The following PLEKHH2 variants were observed in gnomAD, a reference collection of about 807,000 sequenced individuals.
PLEKHH2 encodes the protein pleckstrin homology domain-containing family H member 2.
A neutral mutation model predicts 187.9 loss-of-function variants in PLEKHH2; 129 were observed. The ratio of observed to expected loss-of-function variants is 0.69; its 90% CI spans 0.59 to 0.79. The LOEUF (loss-of-function observed/expected upper bound fraction) is 0.79. Ranked by LOEUF, PLEKHH2 falls within the 30% of genes least tolerant of loss-of-function variation. The pLI is 0.00. For synonymous variants in PLEKHH2, 686 were observed against 605.6 expected (o/e 1.13, Z -1.95); for missense variants, 2,076 against 1,751.2 (o/e 1.19, Z -3.31).
chr2:43,764,218 A>C lies in PLEKHH2; in HGVS notation c.4159-10A>C, dbSNP rs7565517. The stretch of plus-strand genomic sequence containing the variant: ...GCATATAACATATATACTTTTTCTT[A>C]TCTTTAAAGAGGTTAATAGTCAGCT... On this transcript the variant is annotated splice_polypyrimidine_tract_variant and intron_variant, in intron 28 of 29. Coordinates refer to ENST00000282406, the MANE Select transcript of PLEKHH2 (RefSeq NM_172069.4). 1,053,343 of 1,382,638 alleles carry C rather than the reference A, an allele frequency of 0.76. 405,349 individuals are homozygous for C. The highest frequency in any genetic ancestry group is 0.93 in the African/African-American group (62,097 of 66,770). 85.6% of individuals were successfully genotyped at this position (1,382,638 alleles called of 1,614,324 possible).
rs1669266511 is a variant in PLEKHH2 at position 43,699,851 on chromosome 2, C to T, written c.893C>T (p.Ser298Phe). Residue 298 changes from serine (S) to phenylalanine (F), a missense_variant, in exon 8 of 30, where the codon TCC (serine) becomes TTC (phenylalanine). Physicochemically the swap from Ser to Phe is radical, Grantham distance 155. Coordinates refer to ENST00000282406, the MANE Select transcript of PLEKHH2 (RefSeq NM_172069.4). The stretch of plus-strand genomic sequence containing the variant: ...GAGGAAGACGGGAGCAAAGGAAGAT[C>T]CAAGTCCAGATGCACATCCACCCTC... ...SDEEDGSKGR[S>F]KSRCTSTLSS... 1.2e-6 allele frequency: 2 copies of T among 1,614,072 alleles called. No individual in the cohort carries two copies. Among genetic ancestry groups the T allele is most frequent in the African/African-American group, 2.7e-5 (2 of 75,000 alleles).
At chr2:43,743,013 C>A in intron 22 of PLEKHH2, 95 bp downstream of exon 22, 1 of 961,454 alleles carries the variant, frequency 1.0e-6, no homozygotes, top group Non-Finnish European at 1.4e-6. Context: ...TTGTCAGCAC[C>A]TGGCAGTGAC....
Position 43,742,778 on chromosome 2 carries a change from T to C in PLEKHH2, c.3259T>C (p.Cys1087Arg), listed in dbSNP as rs368027213. Reference protein sequence around the residue: ...FGKYAIYCQRCVERTQQNGDR... With the variant: ...FGKYAIYCQRRVERTQQNGDR... ...AAAATATGCCATTTACTGCCAGCGT[T>C]GTGTAGAAAGAACGCAACAAAATGG... The change falls in exon 22 of 30, where the codon TGT (cysteine) becomes CGT (arginine). Residue 1087 changes from cysteine to arginine, a missense_variant. By Grantham distance (180) the Cys-to-Arg change is radical. Coordinates refer to ENST00000282406, the MANE Select transcript of PLEKHH2 (RefSeq NM_172069.4). 2 of 1,601,204 alleles carry C rather than the reference T, an allele frequency of 1.2e-6. No individual in the cohort carries two copies. The highest frequency in any genetic ancestry group is 1.7e-6 in the Non-Finnish European group (2 of 1,175,654).
intron 27 of PLEKHH2, among the ~76,000 whole-genome samples, chr2:43,761,286 A>G (rs979316443): frequency 1.3e-5 from 2 of 152,204 alleles, no homozygotes; most frequent in African/African-American, 4.8e-5. Flanking sequence ...ATGGAACCAA[A>G]CAAGCATCAT....
chr2:43,734,885 G>A (rs1375417910), intron 19 of PLEKHH2, among the ~76,000 whole-genome samples: 7 of 152,172 alleles, frequency 4.6e-5, no homozygotes, highest in Non-Finnish European at 7.4e-5. Context: ...ATGATGGGCC[G>A]GGCCAGTGGC....
chr2:43,719,533 G>A (rs577274803), intron 15 of PLEKHH2, among the ~76,000 whole-genome samples: 8 of 152,062 alleles, frequency 5.3e-5, no homozygotes, highest in African/African-American at 1.7e-4. Flanking sequence ...TCCGTGTCCC[G>A]GTTTCAAGCA....
At chr2:43,730,060 C>G (rs1477752087) in intron 18 of PLEKHH2, among the ~76,000 whole-genome samples, 4 of 152,154 alleles carry the variant, frequency 2.6e-5, no homozygotes, top group Non-Finnish European at 5.9e-5. Flanking sequence ...GATCCCCCAG[C>G]CAGCCCTCTG....
intron 8 of PLEKHH2, among the ~76,000 whole-genome samples, chr2:43,702,975 C>T (rs577070564): frequency 9.7e-4 from 147 of 152,266 alleles, no homozygotes; most frequent in African/African-American, 3.5e-3. Flanking sequence ...GACTGCCTCC[C>T]GTCTCCTGCT....
intron 2 of PLEKHH2, among the ~76,000 whole-genome samples, chr2:43,676,804 T>TTC (rs2104417964): frequency 6.6e-6 from 1 of 152,278 alleles, no homozygotes; most frequent in South Asian, 2.1e-4. Context: ...AAAGAATCTC[T>TTC]TCTATACTCT....
At position 43,707,557 on chromosome 2, in the gene PLEKHH2, T is replaced by C; in HGVS notation, c.1966+12T>C. ...AGCCATGAAACGAGGTGAGGGAAAA[T>C]CGCAGGCATATGAGGCAACTCCAGA... On this transcript the variant is annotated intron_variant, in intron 11 of 29. Coordinates refer to ENST00000282406, the MANE Select transcript of PLEKHH2 (RefSeq NM_172069.4). 6.2e-7 allele frequency: 1 copy of C among 1,613,564 alleles called. No individual in the cohort carries two copies. The highest frequency in any genetic ancestry group is 8.5e-7 in the Non-Finnish European group (1 of 1,179,704).
chr2:43,644,888 A>G (rs1421661055), intron 2 of PLEKHH2, 92 bp downstream of exon 2: 21 of 1,340,164 alleles, frequency 1.6e-5, no homozygotes, highest in Non-Finnish European at 2.1e-5. Context: ...TGGGGGTTTG[A>G]TTTAATTTTT....
chr2:43,648,840 A>G (rs964355373), intron 2 of PLEKHH2, among the ~76,000 whole-genome samples: 1 of 152,010 alleles, frequency 6.6e-6, no homozygotes, highest in Non-Finnish European at 1.5e-5. Context: ...TCAGCCTCCC[A>G]AAGTGCTGGG....
At chr2:43,682,547 T>C (rs1200560524) in intron 3 of PLEKHH2, among the ~76,000 whole-genome samples, 3 of 152,028 alleles carry the variant, frequency 2.0e-5, no homozygotes, top group African/African-American at 4.8e-5. Flanking sequence ...CCTTGTGATT[T>C]GCCCCCCTTG....
At chr2:43,709,405 T>C (rs2104513252) in intron 11 of PLEKHH2, among the ~76,000 whole-genome samples, 1 of 152,338 alleles carries the variant, frequency 6.6e-6, no homozygotes, top group East Asian at 1.9e-4. Context: ...TGTCAATGTG[T>C]AAATACACAT....
At chr2:43,685,806 G>A (rs1277098184) in intron 3 of PLEKHH2, among the ~76,000 whole-genome samples, 2 of 152,070 alleles carry the variant, frequency 1.3e-5, no homozygotes, top group Non-Finnish European at 2.9e-5. Flanking sequence ...AATCAACCCA[G>A]TTCTACTTAT....
chr2:43,697,152 T>C lies in PLEKHH2; in HGVS notation c.503-19T>C. ...TCTATAAAAAATTCAAATCTTAATT[T>C]TGATTAACGATGTTGTAGAAGTTCA... On this transcript the variant is annotated intron_variant, in intron 6 of 29. Coordinates refer to ENST00000282406, the MANE Select transcript of PLEKHH2 (RefSeq NM_172069.4). The C allele has an allele frequency of 6.5e-7, 1 of 1,532,606 alleles. No individual in the cohort carries two copies. Among genetic ancestry groups the C allele is most frequent in the African/African-American group, 1.4e-5 (1 of 71,650 alleles). The allele number at this position is 1,532,606 out of a possible 1,614,324, so 94.9% of individuals were successfully genotyped here.
At chr2:43,681,257 C>T (rs570729189) in intron 3 of PLEKHH2, 754 of 665,216 alleles carry the variant, frequency 1.1e-3, no homozygotes, top group Non-Finnish European at 1.8e-3. Flanking sequence ...TACAATCCTC[C>T]TGTGGAGGTC....
chr2:43,723,721 A>C lies in PLEKHH2; in HGVS notation c.2542-2551A>C, dbSNP rs141468597. Among the ~76,000 whole-genome samples, 407 of 152,326 alleles carry C rather than the reference A, an allele frequency of 2.7e-3. 1 individual carries two copies. The highest frequency in any genetic ancestry group is 9.5e-3 in the African/African-American group (394 of 41,574). ...AAAATAACCCTTATGCCAAAGTGAT[A>C]TCTGTTGGGGTGGCAGATTCTGCCA... On this transcript the variant is annotated intron_variant, in intron 16 of 29. Coordinates refer to ENST00000282406, the MANE Select transcript of PLEKHH2 (RefSeq NM_172069.4).
intron 2 of PLEKHH2, among the ~76,000 whole-genome samples, chr2:43,653,163 T>C (rs1327000781): frequency 6.6e-6 from 1 of 152,100 alleles, no homozygotes; most frequent in Non-Finnish European, 1.5e-5. Flanking sequence ...AATTGAAGCA[T>C]ACAAGATTCC....
Sources: gnomAD v4.1 joint callset for allele counts (sites outside exome capture counted in the v4.1 genomes callset) on GRCh38, gnomAD v4.1.1 for gene constraint, MANE v1.5 for transcripts, NCBI Gene and HGNC (gene_info 2026-07-23, HGNC 2026-07-21) for gene names.